RAD51B: variants seen among roughly 807,000 people sequenced by gnomAD.
RAD51B encodes RAD51 paralog B, also known as DNA repair protein RAD51 homolog 2.
In RAD51B, 38 loss-of-function variants were observed where a neutral mutation model predicts 42.2. That is an observed-to-expected ratio of 0.90 (90% CI 0.70 to 1.18). The LOEUF (loss-of-function observed/expected upper bound fraction) is 1.18. RAD51B is among the 50% of genes most tolerant of loss of function. The probability of loss-of-function intolerance (pLI) is 0.00; values close to 1 mark genes in which losing one functional copy is unlikely to be tolerated. For missense variants in RAD51B, 373 were observed against 400.7 expected, an observed-to-expected ratio of 0.93 and a Z score of 0.59; for synonymous variants, 154 against 145.2, an observed-to-expected ratio of 1.06 and a Z score of -0.43.
chr14:67,978,991 G>A (rs2075043767), intron 7 of RAD51B, among the ~76,000 whole-genome samples: 1 of 152,150 alleles, frequency 6.6e-6, no homozygotes, highest in African/African-American at 2.4e-5. Context: ...CCCACCACCA[G>A]AACTTGCAAT....
intron 10 of RAD51B, among the ~76,000 whole-genome samples, chr14:68,515,771 T>G (rs1296008491): frequency 3.0e-5 from 4 of 133,384 alleles, no homozygotes; most frequent in Non-Finnish European, 6.6e-5. Context: ...TTTCTTTCTT[T>G]TCTTTTCTTT....
intron 7 of RAD51B, among the ~76,000 whole-genome samples, chr14:68,241,697 G>C (rs867930669): frequency 4.0e-5 from 6 of 151,810 alleles, no homozygotes; most frequent in African/African-American, 1.2e-4. Flanking sequence ...TTAAAAAGTA[G>C]TTTCTGCCCA....
At chr14:68,414,722 TAAAATCAGTGATTCTCGGC>T (rs2084507174) in intron 9 of RAD51B, among the ~76,000 whole-genome samples, 1 of 151,854 alleles carries the variant, frequency 6.6e-6, no homozygotes, top group African/African-American at 2.4e-5. Flanking sequence ...AGTATTACCT[TAAAATCAGTGATTCTCGGC>T]AGGACGCAGT....
intron 7 of RAD51B, among the ~76,000 whole-genome samples, chr14:67,888,764 G>T (rs1022682975): frequency 3.9e-5 from 6 of 152,238 alleles, no homozygotes; most frequent in African/African-American, 1.4e-4. Flanking sequence ...GTATACCAGA[G>T]AATGTACATA....
At position 68,411,505 on chromosome 14, in the gene RAD51B, A is replaced by G; in HGVS notation, c.935A>G (p.Tyr312Cys). Residue 312 changes from tyrosine to cysteine, a missense_variant, in exon 9 of 11, where the codon TAC (tyrosine) becomes TGC (cysteine). Tyr to Cys is a radical substitution (Grantham distance 194, BLOSUM62 -2). Transcript: ENST00000471583. ...GTGAATACCCGGCTGATCCTCCAGT[A>G]CCTTGATTCAGAGAGAAGACAGGTG... ...HSVNTRLILQ[Y>C]LDSERRQILI... The G allele has an allele frequency of 6.2e-7, 1 of 1,614,072 alleles. No individual in the cohort carries two copies. Among genetic ancestry groups the G allele is most frequent in the Non-Finnish European group, 8.5e-7 (1 of 1,179,962 alleles).
chr14:67,977,221 T>C (rs925624890), intron 7 of RAD51B, among the ~76,000 whole-genome samples: 2 of 152,232 alleles, frequency 1.3e-5, no homozygotes, highest in African/African-American at 4.8e-5. Flanking sequence ...CGCATCTTTA[T>C]TGTAGTGTGC....
At chr14:68,385,659 C>G (rs1487235965) in intron 8 of RAD51B, among the ~76,000 whole-genome samples, 4 of 152,164 alleles carry the variant, frequency 2.6e-5, no homozygotes, top group African/African-American at 9.7e-5. Context: ...ATTGTCTCTG[C>G]TGGTGAGCTG....
At chr14:68,515,463 T>A (rs1323724046) in intron 10 of RAD51B, among the ~76,000 whole-genome samples, 1 of 142,364 alleles carries the variant, frequency 7.0e-6, no homozygotes, top group Non-Finnish European at 1.5e-5. Context: ...TTTTTTTTTT[T>A]AGAGAGATAG....
intron 7 of RAD51B, among the ~76,000 whole-genome samples, chr14:68,283,841 G>A (rs1176871206): frequency 3.3e-5 from 5 of 152,220 alleles, no homozygotes; most frequent in Non-Finnish European, 5.9e-5. Context: ...AGAGAAGTAG[G>A]CCAAAGAGAA....
intron 7 of RAD51B, among the ~76,000 whole-genome samples, chr14:68,141,504 G>A (rs1285141713): frequency 6.6e-6 from 1 of 152,138 alleles, no homozygotes; most frequent in Non-Finnish European, 1.5e-5. Context: ...ATCTGCTACA[G>A]CACTAGCAAA....
intron 10 of RAD51B, among the ~76,000 whole-genome samples, chr14:68,488,465 A>T (rs1362350950): frequency 1.3e-5 from 2 of 152,116 alleles, no homozygotes; most frequent in Non-Finnish European, 2.9e-5. Context: ...TGCTTAGTCC[A>T]GTTTTAGCAA....
At chr14:68,400,675 A>C (rs1022166728) in intron 8 of RAD51B, among the ~76,000 whole-genome samples, 15 of 152,326 alleles carry the variant, frequency 9.8e-5, no homozygotes, top group African/African-American at 3.4e-4. Flanking sequence ...GGGAAAAAAA[A>C]CATATTTTAT....
At chr14:67,970,153 C>T (rs956235505) in intron 7 of RAD51B, among the ~76,000 whole-genome samples, 3 of 152,038 alleles carry the variant, frequency 2.0e-5, no homozygotes, top group Non-Finnish European at 4.4e-5. Flanking sequence ...CTTAACTTAC[C>T]CAGGGATGTT....
In RAD51B at chr14:68,426,034, T is replaced by C. The variant is rs548105612; in HGVS notation, c.957+14507T>C. ...TTTCTTTCTTTCTTTCTTTCTCTCT[T>C]TCTTTCTCTCTTTCTCTCTCTCTCT... On this transcript the variant is annotated intron_variant, in intron 9 of 10. Coordinates refer to ENST00000471583, the MANE Select transcript of RAD51B (RefSeq NM_133510.4). Among the ~76,000 whole-genome samples, 204 of 149,032 alleles carry C rather than the reference T, an allele frequency of 1.4e-3. 2 individuals are homozygous for C. Among genetic ancestry groups the C allele is most frequent in the African/African-American group, 4.7e-3 (190 of 40,542 alleles).
chr14:68,644,274 G>A (rs1892522379), intron 10 of RAD51B, among the ~76,000 whole-genome samples: 1 of 152,224 alleles, frequency 6.6e-6, no homozygotes, highest in Non-Finnish European at 1.5e-5. Context: ...GATCAAGGAG[G>A]GCTGTGTAGG....
chr14:68,131,398 C>A (rs924497819), intron 7 of RAD51B, among the ~76,000 whole-genome samples: 5 of 152,094 alleles, frequency 3.3e-5, no homozygotes, highest in Admixed American at 6.6e-5. Context: ...ATGTCAAGAT[C>A]AAAGATGGAC....
At chr14:68,432,567 T>C (rs1031931809) in intron 9 of RAD51B, among the ~76,000 whole-genome samples, 1 of 152,248 alleles carries the variant, frequency 6.6e-6, no homozygotes, top group African/African-American at 2.4e-5. Flanking sequence ...GAGACTAGGA[T>C]TGCAACTCCT....
intron 7 of RAD51B, among the ~76,000 whole-genome samples, chr14:68,215,588 A>G (rs908696089): frequency 6.6e-5 from 10 of 152,338 alleles, no homozygotes; most frequent in South Asian, 2.1e-4. Context: ...GTCATGCAGT[A>G]TTAAGTAGAA....
chr14:68,203,582 G>A (rs1409856873), intron 7 of RAD51B, among the ~76,000 whole-genome samples: 2 of 152,188 alleles, frequency 1.3e-5, no homozygotes, highest in Non-Finnish European at 2.9e-5. Flanking sequence ...CCCCTACCGA[G>A]AGAGTCAGCC....
Sources: gnomAD v4.1 joint callset for allele counts (sites outside exome capture counted in the v4.1 genomes callset) on GRCh38, gnomAD v4.1.1 for gene constraint, MANE v1.5 for transcripts, NCBI Gene and HGNC (gene_info 2026-07-23, HGNC 2026-07-21) for gene names.